The following TLE1 variants were observed in gnomAD, a reference collection of about 807,000 sequenced individuals.
TLE1 encodes TLE family member 1, transcriptional corepressor.
TLE1 carries 21 observed loss-of-function variants against 89.8 expected under a neutral mutation model. The observed-to-expected ratio is 0.23, with a 90% confidence interval of 0.17 to 0.34. The LOEUF is 0.34. Ranked by LOEUF, TLE1 falls within the 10% of genes least tolerant of loss-of-function variation. TLE1 has a pLI of 1.00. For missense variants in TLE1, 795 were observed against 1,031.2 expected (o/e 0.77, Z 3.14); for synonymous variants, 447 against 407.6 (o/e 1.10, Z -1.16).
At chr9:81,660,697 T>A (rs1217094874) in intron 4 of TLE1, among the ~76,000 whole-genome samples, 1 of 150,904 alleles carries the variant, frequency 6.6e-6, no homozygotes, top group Non-Finnish European at 1.5e-5. Context: ...ATTACAGGCA[T>A]GAGCCACCAT....
At chr9:81,598,138 G>T (rs73468050) in intron 14 of TLE1, among the ~76,000 whole-genome samples, 1 of 152,144 alleles carries the variant, frequency 6.6e-6, no homozygotes, top group Non-Finnish European at 1.5e-5. Flanking sequence ...AAATCTGATC[G>T]TGTCAAAAAC....
intron 6 of TLE1, among the ~76,000 whole-genome samples, chr9:81,646,565 A>G (rs922468245): frequency 1.3e-5 from 2 of 152,236 alleles, no homozygotes; most frequent in South Asian, 2.1e-4. Flanking sequence ...ACTCATAAGA[A>G]TAAGAGGCCA....
intron 4 of TLE1, among the ~76,000 whole-genome samples, chr9:81,684,308 A>T (rs1410466127): frequency 6.6e-6 from 1 of 152,168 alleles, no homozygotes; most frequent in Non-Finnish European, 1.5e-5. Context: ...ACAAAAACAA[A>T]GGCACAAACC....
At chr9:81,592,250 T>C (rs933252695) in intron 15 of TLE1, among the ~76,000 whole-genome samples, 7 of 152,148 alleles carry the variant, frequency 4.6e-5, no homozygotes, top group Admixed American at 3.9e-4. Context: ...CCCAGCTACT[T>C]GGGAGGCTGA....
intron 14 of TLE1, among the ~76,000 whole-genome samples, chr9:81,599,058 GA>G (rs1241435538): frequency 2.0e-5 from 3 of 152,202 alleles, no homozygotes; most frequent in Non-Finnish European, 4.4e-5. Flanking sequence ...AATGTGCCCT[GA>G]CAAAACTTAG....
intron 6 of TLE1, among the ~76,000 whole-genome samples, chr9:81,645,046 T>A (rs1389932971): frequency 7.6e-6 from 1 of 131,652 alleles, no homozygotes; most frequent in Non-Finnish European, 1.6e-5. Context: ...GGTGTATATA[T>A]CATATCTCAA....
intron 4 of TLE1, among the ~76,000 whole-genome samples, chr9:81,660,017 T>C (rs34564844): frequency 0.021 from 3,173 of 152,238 alleles, 58 homozygotes; most frequent in Non-Finnish European, 0.032. Flanking sequence ...CTTACTGTCA[T>C]TTGGTAAACT....
intron 2 of TLE1, 33 bp from the exon 3 acceptor site, chr9:81,685,929 C>T (rs372182960): frequency 2.1e-5 from 34 of 1,608,660 alleles, no homozygotes; most frequent in Non-Finnish European, 2.5e-5. Flanking sequence ...TTAATGTAAA[C>T]ATTATGTCAC....
intron 4 of TLE1, among the ~76,000 whole-genome samples, chr9:81,670,316 AC>A (rs1467158383): frequency 6.6e-6 from 1 of 152,076 alleles, no homozygotes; most frequent in Non-Finnish European, 1.5e-5. Context: ...TGCAAAGTCT[AC>A]ACAAAAGTCC....
chr9:81,679,678 T>TA (rs747886690), intron 4 of TLE1, among the ~76,000 whole-genome samples: 13 of 152,304 alleles, frequency 8.5e-5, no homozygotes, highest in South Asian at 2.1e-4. Flanking sequence ...AAAATTTACT[T>TA]AAAAACCACT....
intron 4 of TLE1, among the ~76,000 whole-genome samples, chr9:81,684,153 A>G (rs1588269404): frequency 6.6e-6 from 1 of 152,148 alleles, no homozygotes; most frequent in African/African-American, 2.4e-5. Flanking sequence ...TAAATTAAAA[A>G]AAAAAAAAAA....
chr9:81,590,641 C>A (rs1414707737), intron 16 of TLE1, among the ~76,000 whole-genome samples, 164 bp downstream of exon 16: 1 of 152,226 alleles, frequency 6.6e-6, no homozygotes, highest in Non-Finnish European at 1.5e-5. Context: ...GTAAGCCCCC[C>A]AAAGGCAGCA....
intron 9 of TLE1, among the ~76,000 whole-genome samples, chr9:81,618,094 A>C (rs904588285): frequency 1.3e-5 from 2 of 152,192 alleles, no homozygotes; most frequent in African/African-American, 4.8e-5. Flanking sequence ...GCAGGCTGAA[A>C]AAGTCTACCT....
At chr9:81,685,940 T>A in intron 2 of TLE1, 44 bp from the exon 3 acceptor site, 1 of 1,600,992 alleles carries the variant, frequency 6.2e-7, no homozygotes, top group Non-Finnish European at 8.5e-7. Context: ...ATTATGTCAC[T>A]TGTTTTAACA....
At chr9:81,673,501 C>T (rs1022179616) in intron 4 of TLE1, among the ~76,000 whole-genome samples, 10 of 152,052 alleles carry the variant, frequency 6.6e-5, no homozygotes, top group African/African-American at 1.9e-4. Flanking sequence ...AAAGGGACTG[C>T]TATTTAGATC....
At chr9:81,595,259 G>T (rs2131863871) in intron 14 of TLE1, among the ~76,000 whole-genome samples, 1 of 152,282 alleles carries the variant, frequency 6.6e-6, no homozygotes, top group East Asian at 1.9e-4. Context: ...ATTATAGTTA[G>T]TTGAACAGGA....
intron 15 of TLE1, 68 bp from the exon 16 acceptor site, chr9:81,591,120 G>C: frequency 6.4e-7 from 1 of 1,558,214 alleles, no homozygotes; most frequent in Non-Finnish European, 8.7e-7. Context: ...GTTCTCTAAT[G>C]GCTGTCTTGG....
rs775136823 is a variant in TLE1 at position 81,685,783 on chromosome 9, GT to G, written c.189+49del. 9.9e-6 allele frequency: 16 copies of G among 1,611,486 alleles called. No individual in the cohort carries two copies. In the African/African-American group the frequency reaches 1.9e-4, roughly 19 times the overall value. Reference sequence around the variant, plus strand: ...CATGTTTTTTACACTCTGCTAACACGTTTGCTAATATCATATGAAAAAGGAA... The same window carrying G: ...CATGTTTTTTACACTCTGCTAACACGTTGCTAATATCATATGAAAAAGGAA... On this transcript the variant is annotated intron_variant, in intron 3 of 19. Transcript: ENST00000376499.
chr9:81,687,213 T>G, intron 2 of TLE1, 121 bp downstream of exon 2: 1 of 767,056 alleles, frequency 1.3e-6, no homozygotes, highest in Non-Finnish European at 2.1e-6. Context: ...AGGTCTTAAC[T>G]GAGACTCCAC....
Sources: allele counts gnomAD v4.1 joint callset (sites outside exome capture counted in the v4.1 genomes callset), GRCh38; gene constraint gnomAD v4.1.1; transcripts MANE v1.5; gene names NCBI Gene and HGNC (gene_info 2026-07-23, HGNC 2026-07-21).